NAALADL2: variants seen among roughly 807,000 people sequenced by gnomAD.
NAALADL2 encodes the protein N-acetylated alpha-linked acidic dipeptidase like 2.
NAALADL2 carries 76 observed loss-of-function variants against 87.2 expected under a neutral mutation model. The ratio of observed to expected loss-of-function variants is 0.87; its 90% CI spans 0.72 to 1.05. The LOEUF (loss-of-function observed/expected upper bound fraction) is 1.05. Among genes scored for constraint, NAALADL2 ranks in the 50% least tolerant of loss-of-function variants. The pLI, the probability that NAALADL2 is intolerant of heterozygous loss-of-function variation, is 0.00. For missense variants in NAALADL2, 1,089 were observed against 945.8 expected, an observed-to-expected ratio of 1.15 and a Z score of -1.99; for synonymous variants, 354 against 331.0, an observed-to-expected ratio of 1.07 and a Z score of -0.75.
chr3:175,630,109 A>G (rs1727552997), intron 11 of NAALADL2, among the ~76,000 whole-genome samples: 1 of 151,784 alleles, frequency 6.6e-6, no homozygotes, highest in Non-Finnish European at 1.5e-5. Flanking sequence ...TCATGTTGGA[A>G]GCATTGATCA....
chr3:174,512,877 G>A (rs1042611578), intron 1 of NAALADL2, among the ~76,000 whole-genome samples: 1 of 151,864 alleles, frequency 6.6e-6, no homozygotes, highest in Non-Finnish European at 1.5e-5. Context: ...ATAAAGCCTG[G>A]TATCTGTTAC....
chr3:175,086,222 C>T (rs1718868732), intron 1 of NAALADL2, among the ~76,000 whole-genome samples: 1 of 152,064 alleles, frequency 6.6e-6, no homozygotes, highest in South Asian at 2.1e-4. Context: ...TTATAGTTTA[C>T]AATATATCAT....
intron 1 of NAALADL2, among the ~76,000 whole-genome samples, chr3:174,494,217 T>G (rs1718378606): frequency 6.6e-6 from 1 of 152,166 alleles, no homozygotes; most frequent in African/African-American, 2.4e-5. Context: ...CAAAAGACTC[T>G]TATTTTAAAG....
intron 1 of NAALADL2, among the ~76,000 whole-genome samples, chr3:174,882,820 T>C (rs1397143503): frequency 1.4e-5 from 2 of 140,712 alleles, no homozygotes; most frequent in Non-Finnish European, 3.0e-5. Context: ...TGCATATGTG[T>C]ATATATACAC....
chr3:174,917,649 A>G (rs1734588621), intron 1 of NAALADL2, among the ~76,000 whole-genome samples: 1 of 152,082 alleles, frequency 6.6e-6, no homozygotes, highest in African/African-American at 2.4e-5. Context: ...TTCTAGGTCA[A>G]ATGAGATGAA....
chr3:174,787,615 A>ATATG (rs1560225884), intron 3 of NAALADL2, among the ~76,000 whole-genome samples: 3 of 117,592 alleles, frequency 2.6e-5, no homozygotes, highest in African/African-American at 8.8e-5. Context: ...ATATATATAT[A>ATATG]TATATAGTAG....
rs11285494 is a variant in NAALADL2, at chr3:174,754,466, CTTTTTTTT to C, written c.-9+16734_-9+16741del. 8.0e-5 allele frequency among the ~76,000 whole-genome samples: 10 copies of C among 125,494 alleles called. No homozygotes were observed. The South Asian group carries it at 2.6e-3, about 33-fold the overall frequency. 82.3% of individuals were successfully genotyped at this position (125,494 alleles called of 152,430 possible). On this transcript the variant is annotated intron_variant, in intron 3 of 3. Transcript: ENST00000434257. ...CACGTATGCAAAATTACAGAGCTAT[CTTTTTTTT>C]TTTTTTTTTTTTTAAAGAAACAAGG...
At chr3:174,694,446 G>T (rs1436211027) in intron 2 of NAALADL2, among the ~76,000 whole-genome samples, 1 of 152,038 alleles carries the variant, frequency 6.6e-6, no homozygotes, top group Non-Finnish European at 1.5e-5. Flanking sequence ...AACTCTTTGA[G>T]AGAAGAAATC....
At position 174,589,697 on chromosome 3, in the gene NAALADL2, A is replaced by G. The variant is rs534742473; in HGVS notation, c.-115+39060A>G. Among the ~76,000 whole-genome samples the G allele has an allele frequency of 2.7e-4, 41 of 152,330 alleles. No individual in the cohort carries two copies. The East Asian group carries it at 3.3e-3, about 12-fold the overall frequency. Reference sequence around the variant, plus strand: ...TAGTATTCATTAGGTAGGGAGAGCCAATAAACAGCTGTCAATCAAAACACT... The same window carrying G: ...TAGTATTCATTAGGTAGGGAGAGCCGATAAACAGCTGTCAATCAAAACACT... On this transcript the variant is annotated intron_variant, in intron 2 of 3. Transcript: ENST00000434257.
intron 6 of NAALADL2, among the ~76,000 whole-genome samples, chr3:175,448,990 A>G (rs564350508): frequency 4.3e-4 from 65 of 152,220 alleles, no homozygotes; most frequent in Non-Finnish European, 2.4e-4. Flanking sequence ...TGCTAGGATT[A>G]TAAGTATGAG....
chr3:175,264,501 A>G (rs532289863), intron 4 of NAALADL2, among the ~76,000 whole-genome samples: 1 of 151,972 alleles, frequency 6.6e-6, no homozygotes, highest in South Asian at 2.1e-4. Context: ...CAGACAAAGT[A>G]TTAGTCTCTC....
At chr3:174,804,891 T>C (rs1183056454) in intron 3 of NAALADL2, among the ~76,000 whole-genome samples, 1 of 152,200 alleles carries the variant, frequency 6.6e-6, no homozygotes, top group Non-Finnish European at 1.5e-5. Flanking sequence ...ACTCATCTAA[T>C]TTGCCTTAGA....
intron 2 of NAALADL2, among the ~76,000 whole-genome samples, chr3:175,121,978 A>G (rs1450892572): frequency 5.3e-5 from 8 of 151,816 alleles, no homozygotes; most frequent in African/African-American, 1.9e-4. Context: ...CTTTACTGCC[A>G]CAATGGCGAC....
chr3:175,523,761 C>T lies in NAALADL2; in HGVS notation c.1653+52003C>T, dbSNP rs148910383. Among the ~76,000 whole-genome samples the T allele has an allele frequency of 9.4e-3, 1,430 of 152,090 alleles. 46 individuals carry two copies. The highest frequency in any genetic ancestry group is 0.056 in the Admixed American group (853 of 15,288). On this transcript the variant is annotated intron_variant, in intron 9 of 13. Transcript: ENST00000454872. ...GGCTAATTTAAAGAGAGTGACGGAGCGAGTGGTTTGGCAGGAAAAATGGTT... is the reference window on the plus strand; with the variant it reads ...GGCTAATTTAAAGAGAGTGACGGAGTGAGTGGTTTGGCAGGAAAAATGGTT...
At chr3:175,392,839 A>G (rs1769240967) in intron 5 of NAALADL2, among the ~76,000 whole-genome samples, 1 of 152,188 alleles carries the variant, frequency 6.6e-6, no homozygotes, top group Admixed American at 6.5e-5. Flanking sequence ...CTGGTTAGTG[A>G]GCACAGGACA....
At chr3:174,909,320 G>T (rs576444159) in intron 1 of NAALADL2, among the ~76,000 whole-genome samples, 7 of 151,960 alleles carry the variant, frequency 4.6e-5, no homozygotes, top group Non-Finnish European at 1.0e-4. Context: ...CTTGAATCCC[G>T]GGAGACAGAG....
In NAALADL2 at chr3:175,590,211, AATATATATATATATATATATATATATAT is replaced by A. The variant is rs66991809; in HGVS notation, c.1800+14054_1800+14081del. On this transcript the variant is annotated intron_variant, in intron 10 of 13. Coordinates refer to ENST00000454872, the MANE Select transcript of NAALADL2 (RefSeq NM_207015.3). ...TGGGCGACAGAGCGAGACTCCGTCT[AATATATATATATATATATATATATATAT>A]ATATATATATATATATATATATATA... Among the ~76,000 whole-genome samples the A allele has an allele frequency of 5.0e-3, 30 of 5,966 alleles. 2 individuals are homozygous for A. Among genetic ancestry groups the A allele is most frequent in the East Asian group, 0.019 (2 of 104 alleles). The allele number at this position is 5,966 out of a possible 152,430, so 3.9% of individuals were successfully genotyped here. A position where few individuals can be genotyped will look rare whatever the true frequency, so the allele number is the denominator to read the frequency against.
intron 2 of NAALADL2, among the ~76,000 whole-genome samples, chr3:174,607,882 C>A (rs541115893): frequency 2.4e-4 from 37 of 151,842 alleles, no homozygotes; most frequent in African/African-American, 8.7e-4. Context: ...AGCACCACAC[C>A]ACACCTATTC....
intron 11 of NAALADL2, among the ~76,000 whole-genome samples, chr3:175,661,798 G>A (rs958937598): frequency 2.0e-5 from 3 of 151,878 alleles, no homozygotes; most frequent in Non-Finnish European, 4.4e-5. Context: ...AGATGAGTTA[G>A]GTGTAAAGTA....
Sources: gnomAD v4.1 joint callset for allele counts (sites outside exome capture counted in the v4.1 genomes callset) on GRCh38, gnomAD v4.1.1 for gene constraint, MANE v1.5 for transcripts, NCBI Gene and HGNC (gene_info 2026-07-23, HGNC 2026-07-21) for gene names.